SLC4A4: variants seen among roughly 807,000 people sequenced by gnomAD.
SLC4A4 encodes electrogenic sodium bicarbonate cotransporter 1.
A neutral mutation model predicts 111.5 loss-of-function variants in SLC4A4; 27 were observed. The ratio of observed to expected loss-of-function variants is 0.24; its 90% CI spans 0.18 to 0.33. The LOEUF (loss-of-function observed/expected upper bound fraction) is 0.33. Ranked by LOEUF, SLC4A4 falls within the 10% of genes least tolerant of loss-of-function variation. The pLI is 1.00. For synonymous variants in SLC4A4, 443 were observed against 463.4 expected (o/e 0.96, Z 0.57); for missense variants, 909 against 1,315.5 (o/e 0.69, Z 4.78).
chr4:71,123,006 A>G (rs1743475913), intron 2 of SLC4A4, among the ~76,000 whole-genome samples: 1 of 152,242 alleles, frequency 6.6e-6, no homozygotes, highest in South Asian at 2.1e-4. Context: ...TAAAACAAGA[A>G]CAAGATAAAA....
At chr4:71,112,772 A>G (rs1743124067) in intron 2 of SLC4A4, among the ~76,000 whole-genome samples, 1 of 152,154 alleles carries the variant, frequency 6.6e-6, no homozygotes. Context: ...TTTAAAAGTG[A>G]TTCTAGTGTT....
chr4:71,138,767 T>A (rs910017310), intron 2 of SLC4A4, among the ~76,000 whole-genome samples: 3 of 152,116 alleles, frequency 2.0e-5, no homozygotes, highest in African/African-American at 7.2e-5. Context: ...CCGGGCGCGG[T>A]GGCTCACGCC....
chr4:71,288,325 G>C (rs1367007171), intron 3 of SLC4A4, among the ~76,000 whole-genome samples: 2 of 152,190 alleles, frequency 1.3e-5, no homozygotes, highest in East Asian at 3.9e-4. Context: ...CAGAGCACCT[G>C]CTTTTTGATA....
intron 3 of SLC4A4, among the ~76,000 whole-genome samples, chr4:71,295,866 G>A (rs1459090451): frequency 6.6e-6 from 1 of 151,854 alleles, no homozygotes; most frequent in African/African-American, 2.4e-5. Flanking sequence ...CACCATGTTG[G>A]CCAGGCTGGT....
chr4:71,486,755 A>G (rs1301813534), intron 14 of SLC4A4, among the ~76,000 whole-genome samples, 193 bp from the exon 15 acceptor site: 5 of 151,398 alleles, frequency 3.3e-5, no homozygotes, highest in African/African-American at 1.2e-4. Context: ...AGCACAGCAG[A>G]TGTGTCCAAA....
intron 3 of SLC4A4, among the ~76,000 whole-genome samples, chr4:71,317,756 T>C (rs1726804380): frequency 6.6e-6 from 1 of 151,966 alleles, no homozygotes; most frequent in East Asian, 1.9e-4. Flanking sequence ...GTACGGACTT[T>C]ATGGTCAGAC....
chr4:71,196,362 C>A (rs759085672), intron 1 of SLC4A4, among the ~76,000 whole-genome samples: 1 of 152,020 alleles, frequency 6.6e-6, no homozygotes, highest in Non-Finnish European at 1.5e-5. Context: ...AGGGAGAAGG[C>A]GGATAGGAAA....
intron 3 of SLC4A4, among the ~76,000 whole-genome samples, chr4:71,259,971 C>A (rs181594060): frequency 2.8e-3 from 420 of 152,332 alleles, no homozygotes; most frequent in Non-Finnish European, 4.5e-3. Flanking sequence ...AACTGCCTCT[C>A]ACACACAGGT....
At chr4:71,226,942 G>A (rs1719086778) in intron 1 of SLC4A4, among the ~76,000 whole-genome samples, 2 of 152,010 alleles carry the variant, frequency 1.3e-5, no homozygotes, top group Non-Finnish European at 2.9e-5. Context: ...ACTAGAGGTA[G>A]AAAAACTTCA....
At chr4:71,510,489 T>C (rs1018163653) in intron 16 of SLC4A4, among the ~76,000 whole-genome samples, 3 of 152,242 alleles carry the variant, frequency 2.0e-5, no homozygotes, top group African/African-American at 7.2e-5. Context: ...TTTATCATTA[T>C]ATGATGACTT....
At chr4:71,268,072 A>G (rs1203701331) in intron 3 of SLC4A4, among the ~76,000 whole-genome samples, 2 of 50,986 alleles carry the variant, frequency 3.9e-5, no homozygotes, top group Non-Finnish European at 8.4e-5. Context: ...CAAATAAAGT[A>G]GTGTTTTTTT....
At chr4:71,453,825 G>A (rs1183942535) in intron 12 of SLC4A4, among the ~76,000 whole-genome samples, 156 bp downstream of exon 12, 9 of 152,114 alleles carry the variant, frequency 5.9e-5, no homozygotes, top group Non-Finnish European at 8.8e-5. Context: ...GCCTGCTGCT[G>A]TATTTCCAGC....
intron 6 of SLC4A4, among the ~76,000 whole-genome samples, chr4:71,392,152 C>G (rs1719353004): frequency 6.6e-6 from 1 of 152,198 alleles, no homozygotes; most frequent in South Asian, 2.1e-4. Flanking sequence ...TTGATAATCT[C>G]TTTTGGTCCT....
At chr4:71,370,398 T>C (rs1731753899) in intron 6 of SLC4A4, among the ~76,000 whole-genome samples, 1 of 152,208 alleles carries the variant, frequency 6.6e-6, no homozygotes, top group South Asian at 2.1e-4. Flanking sequence ...TCTGCAAGAA[T>C]CAAGCATTTC....
At chr4:71,544,873 T>A (rs1216458314) in intron 18 of SLC4A4, among the ~76,000 whole-genome samples, 1 of 151,918 alleles carries the variant, frequency 6.6e-6, no homozygotes, top group Non-Finnish European at 1.5e-5. Context: ...GAGGGCAAGA[T>A]TTTTTTTGTC....
At chr4:71,124,533 G>A (rs970642500) in intron 2 of SLC4A4, among the ~76,000 whole-genome samples, 1 of 152,096 alleles carries the variant, frequency 6.6e-6, no homozygotes, top group African/African-American at 2.4e-5. Context: ...TCTTTATCAG[G>A]TTTGTTGCTC....
intron 2 of SLC4A4, among the ~76,000 whole-genome samples, chr4:71,103,857 A>G (rs1742834650): frequency 6.8e-6 from 1 of 146,406 alleles, no homozygotes; most frequent in Admixed American, 6.9e-5. Context: ...TCACAATTAA[A>G]AGAACTAGAA....
At chr4:71,204,308 T>C (rs1312259406) in intron 1 of SLC4A4, among the ~76,000 whole-genome samples, 2 of 152,206 alleles carry the variant, frequency 1.3e-5, no homozygotes, top group African/African-American at 4.8e-5. Context: ...GGGCGTAGAA[T>C]AGCAAGCATG....
At chr4:71,282,835 C>A (rs998295642) in intron 3 of SLC4A4, among the ~76,000 whole-genome samples, 12 of 151,988 alleles carry the variant, frequency 7.9e-5, no homozygotes, top group African/African-American at 2.9e-4. Context: ...CCCGGGCCTC[C>A]CAAAGTGCTG....
Sources: gnomAD v4.1 joint callset for allele counts (sites outside exome capture counted in the v4.1 genomes callset) on GRCh38, gnomAD v4.1.1 for gene constraint, MANE v1.5 for transcripts, NCBI Gene and HGNC (gene_info 2026-07-23, HGNC 2026-07-21) for gene names.